The following PTPRN2 variants were observed in gnomAD, a reference collection of about 807,000 sequenced individuals.
PTPRN2 encodes the protein receptor-type tyrosine-protein phosphatase N2.
Under a neutral mutation model 118.8 loss-of-function variants are expected in PTPRN2, and 74 were observed. The ratio of observed to expected loss-of-function variants is 0.62; its 90% CI spans 0.52 to 0.76. PTPRN2 has a LOEUF of 0.76. PTPRN2 is among the 30% of genes least tolerant of loss of function. The pLI, the probability that PTPRN2 is intolerant of heterozygous loss-of-function variation, is 0.00. For missense variants in PTPRN2, 1,481 were observed against 1,394.4 expected, an observed-to-expected ratio of 1.06 and a Z score of -0.99; for synonymous variants, 641 against 608.0, an observed-to-expected ratio of 1.05 and a Z score of -0.80.
chr7:157,918,459 AAC>A (rs769041174), intron 11 of PTPRN2, among the ~76,000 whole-genome samples: 1 of 152,240 alleles, frequency 6.6e-6, no homozygotes, highest in Non-Finnish European at 1.5e-5. Context: ...ATTAACGAGA[AAC>A]ACACACAGTG....
chr7:157,605,061 TGGCGCCTTTGCCCAAGTTTTGCTCA>T (rs1243234721), intron 15 of PTPRN2, among the ~76,000 whole-genome samples: 1 of 152,256 alleles, frequency 6.6e-6, no homozygotes, highest in Non-Finnish European at 1.5e-5. Context: ...CTGTGGCCGG[TGGCGCCTTTGCCCAAGTTTTGCTCA>T]GGCTGGGCCT....
At chr7:158,316,099 C>A (rs1338514242) in intron 3 of PTPRN2, among the ~76,000 whole-genome samples, 1 of 152,220 alleles carries the variant, frequency 6.6e-6, no homozygotes, top group Non-Finnish European at 1.5e-5. Context: ...GGTGATCAGC[C>A]AGCCGCCGGG....
At chr7:158,481,636 G>A (rs1227028882) in intron 2 of PTPRN2, among the ~76,000 whole-genome samples, 1 of 152,200 alleles carries the variant, frequency 6.6e-6, no homozygotes, top group Non-Finnish European at 1.5e-5. Context: ...GCTAATTTTT[G>A]TATTTTTAGT....
At chr7:158,449,170 G>A (rs894450070) in intron 2 of PTPRN2, among the ~76,000 whole-genome samples, 2 of 151,706 alleles carry the variant, frequency 1.3e-5, no homozygotes, top group Non-Finnish European at 2.9e-5. Flanking sequence ...ACAATCAAAC[G>A]TCAAAGTCCG....
chr7:157,836,897 T>C (rs1055748021), intron 12 of PTPRN2, among the ~76,000 whole-genome samples: 1 of 151,302 alleles, frequency 6.6e-6, no homozygotes, highest in Admixed American at 6.6e-5. Flanking sequence ...CACTTACTCA[T>C]CCATCTACCC....
chr7:158,538,562 A>G (rs1304183834), intron 1 of PTPRN2, among the ~76,000 whole-genome samples: 1 of 152,106 alleles, frequency 6.6e-6, no homozygotes, highest in African/African-American at 2.4e-5. Context: ...ATGGCGTCTC[A>G]AGTGCCCCAG....
At chr7:157,792,923 G>A (rs1036601873) in intron 12 of PTPRN2, among the ~76,000 whole-genome samples, 3 of 152,336 alleles carry the variant, frequency 2.0e-5, no homozygotes, top group East Asian at 1.9e-4. Context: ...CCAGGGCCGC[G>A]GGTGCCGAGT....
At chr7:157,554,923 C>T (rs757160099) in intron 21 of PTPRN2, among the ~76,000 whole-genome samples, 15 of 149,134 alleles carry the variant, frequency 1.0e-4, no homozygotes, top group Admixed American at 2.6e-4. Context: ...CGGGAATCTA[C>T]AGGGAAGTGA....
chr7:158,075,487 G>A (rs1372035599), intron 11 of PTPRN2, among the ~76,000 whole-genome samples: 1 of 152,160 alleles, frequency 6.6e-6, no homozygotes, highest in East Asian at 1.9e-4. Flanking sequence ...CACACTGCAG[G>A]CCCCCTCCCC....
At chr7:158,219,858 C>T (rs1240787057) in intron 3 of PTPRN2, among the ~76,000 whole-genome samples, 2 of 151,548 alleles carry the variant, frequency 1.3e-5, no homozygotes, top group Non-Finnish European at 2.9e-5. Flanking sequence ...TGAATAATGA[C>T]TTTCAAAATT....
At chr7:158,268,100 A>T (rs1189092812) in intron 3 of PTPRN2, among the ~76,000 whole-genome samples, 1 of 152,228 alleles carries the variant, frequency 6.6e-6, no homozygotes, top group Non-Finnish European at 1.5e-5. Flanking sequence ...CACCGTCAAC[A>T]AGTCTGTGTC....
chr7:157,658,342 G>A (rs1281910315), intron 13 of PTPRN2, among the ~76,000 whole-genome samples: 3 of 152,164 alleles, frequency 2.0e-5, no homozygotes, highest in Admixed American at 2.0e-4. Flanking sequence ...GAGCCGTGCG[G>A]GAGACAGAAG....
rs1038915547 is a variant in PTPRN2, at chr7:157,591,953, C to T, written c.2496+3285G>A. ...TTCACAATTTCTCAGAGGCTCTGCT[C>T]GGCTGGCATGCTCGAGAACATCCTG... On this transcript the variant is annotated intron_variant, in intron 17 of 22. Transcript: ENST00000389418. The surrounding 1 kb of genome is among the most constrained non-coding windows in gnomAD (Gnocchi z 4.4). Among the ~76,000 whole-genome samples the T allele has an allele frequency of 5.3e-5, 8 of 152,166 alleles. No homozygotes were observed. Among genetic ancestry groups the T allele is most frequent in the Admixed American group, 3.9e-4 (6 of 15,280 alleles).
chr7:157,599,626 C>T (rs1801545893), intron 16 of PTPRN2, among the ~76,000 whole-genome samples: 1 of 152,220 alleles, frequency 6.6e-6, no homozygotes, highest in Non-Finnish European at 1.5e-5. Context: ...CTGCAGTCCT[C>T]AACAGCCTCC....
At position 157,632,850 on chromosome 7, in the gene PTPRN2, T is replaced by G. The variant is rs1804046546; in HGVS notation, c.2197-11341A>C. On this transcript the variant is annotated intron_variant, in intron 14 of 22. Coordinates refer to ENST00000389418, the MANE Select transcript of PTPRN2 (RefSeq NM_002847.5). The surrounding 1 kb of genome is among the most constrained non-coding windows in gnomAD (Gnocchi z 4.3). ...AAATAATTCAGAGAATTATACTATG[T>G]TTTCCATAAATGTACAGCTATTAAT... 6.6e-6 allele frequency among the ~76,000 whole-genome samples: 1 copy of G among 152,242 alleles called. No homozygotes were observed. Among genetic ancestry groups the G allele is most frequent in the Non-Finnish European group, 1.5e-5 (1 of 68,048 alleles).
chr7:157,542,023 G>C (rs1161019826), intron 22 of PTPRN2, among the ~76,000 whole-genome samples: 3 of 152,186 alleles, frequency 2.0e-5, no homozygotes, highest in Non-Finnish European at 4.4e-5. Context: ...GCCACCTCAG[G>C]GTGGGACCCG....
At chr7:157,855,718 G>A (rs1169594538) in intron 12 of PTPRN2, among the ~76,000 whole-genome samples, 1 of 152,210 alleles carries the variant, frequency 6.6e-6, no homozygotes, top group East Asian at 1.9e-4. Flanking sequence ...AGCCAGGAAA[G>A]CCACTGATTG....
At chr7:158,131,956 C>T (rs1024612479) in intron 9 of PTPRN2, among the ~76,000 whole-genome samples, 198 of 150,914 alleles carry the variant, frequency 1.3e-3, no homozygotes, top group African/African-American at 4.1e-3. Context: ...CATGCAAATA[C>T]GCACAGATAC....
chr7:158,507,294 AAGAAGGT>A (rs1822819377), intron 1 of PTPRN2, among the ~76,000 whole-genome samples: 8 of 152,166 alleles, frequency 5.3e-5, no homozygotes, highest in African/African-American at 1.2e-4. Context: ...GACTGCACAC[AAGAAGGT>A]CAGTGAGGAC....
Sources: allele counts gnomAD v4.1 joint callset (sites outside exome capture counted in the v4.1 genomes callset), GRCh38; gene constraint gnomAD v4.1.1; non-coding constraint Gnocchi (gnomAD v3.1); transcripts MANE v1.5; gene names NCBI Gene and HGNC (gene_info 2026-07-23, HGNC 2026-07-21).